ARHGEF10: variants seen among roughly 807,000 people sequenced by gnomAD.
The protein encoded by ARHGEF10 is Rho guanine nucleotide exchange factor 10, also known as Rho guanine nucleotide exchange factor (GEF) 10.
A neutral mutation model predicts 147.4 loss-of-function variants in ARHGEF10; 140 were observed. The observed-to-expected ratio is 0.95, with a 90% CI of 0.83 to 1.09. ARHGEF10 has a LOEUF of 1.09. ARHGEF10 is among the 50% of genes least tolerant of loss of function. The pLI is 0.00. For missense variants in ARHGEF10, 2,222 were observed against 1,752.7 expected (o/e 1.27, Z -4.78); for synonymous variants, 902 against 695.8 (o/e 1.30, Z -4.67).
At chr8:1,856,142 G>T (rs1805533869) in intron 2 of ARHGEF10, among the ~76,000 whole-genome samples, 1 of 152,188 alleles carries the variant, frequency 6.6e-6, no homozygotes. Flanking sequence ...TGAGGCTTTG[G>T]TATCTGGGCA....
chr8:1,955,847 G>A lies in ARHGEF10; in HGVS notation c.3521-902G>A, dbSNP rs561100425. On this transcript the variant is annotated intron_variant, in intron 28 of 28. Transcript: ENST00000349830. Reference sequence around the variant, plus strand: ...AGGGGCAGCATCGCTGGTGTGCAGGGATCACAGGTGTGTGCTTCGCCAGGT... The same window carrying A: ...AGGGGCAGCATCGCTGGTGTGCAGGAATCACAGGTGTGTGCTTCGCCAGGT... Among the ~76,000 whole-genome samples the A allele has an allele frequency of 2.4e-4, 37 of 152,380 alleles. No individual in the cohort carries two copies. The South Asian group carries it at 7.4e-3, about 31-fold the overall frequency.
intron 8 of ARHGEF10, among the ~76,000 whole-genome samples, chr8:1,879,455 G>A (rs1308838993): frequency 1.3e-5 from 2 of 152,092 alleles, no homozygotes; most frequent in Non-Finnish European, 2.9e-5. Flanking sequence ...TATTTTGTGT[G>A]CGTGCATTTG....
intron 26 of ARHGEF10, among the ~76,000 whole-genome samples, chr8:1,941,768 A>T (rs1814111819): frequency 1.3e-5 from 2 of 152,208 alleles, no homozygotes; most frequent in South Asian, 4.1e-4. Flanking sequence ...AGACACATAC[A>T]TCAGTGACAT....
At position 1,932,477 on chromosome 8, in the gene ARHGEF10, A is replaced by G. The variant is rs530264139; in HGVS notation, c.3080-1323A>G. Reference sequence around the variant, plus strand: ...ATGCCTGCATGTGTGTATGTGTGTGACATGTGCACGTGTGTGTGTGCATAT... The same window carrying G: ...ATGCCTGCATGTGTGTATGTGTGTGGCATGTGCACGTGTGTGTGTGCATAT... On this transcript the variant is annotated intron_variant, in intron 25 of 28. Transcript: ENST00000349830. Among the ~76,000 whole-genome samples the G allele has an allele frequency of 3.9e-5, 6 of 152,028 alleles. No homozygotes were observed. The South Asian group carries it at 1.0e-3, about 26-fold the overall frequency.
intron 3 of ARHGEF10, among the ~76,000 whole-genome samples, chr8:1,858,461 T>G (rs1230531410): frequency 6.6e-6 from 1 of 152,250 alleles, no homozygotes; most frequent in Non-Finnish European, 1.5e-5. Context: ...TTCTTCTCTT[T>G]GTACTATTTT....
intron 28 of ARHGEF10, 106 bp downstream of exon 28, chr8:1,952,933 T>C (rs895252846): frequency 1.5e-5 from 22 of 1,488,330 alleles, no homozygotes; most frequent in Non-Finnish European, 1.9e-5. Flanking sequence ...AAACAATTCA[T>C]ATTATCTGTG....
intron 6 of ARHGEF10, among the ~76,000 whole-genome samples, chr8:1,868,110 T>TA (rs1409580140): frequency 6.6e-6 from 1 of 152,244 alleles, no homozygotes; most frequent in Non-Finnish European, 1.5e-5. Context: ...TCTCTGAACA[T>TA]TATCTAAGAG....
intron 2 of ARHGEF10, among the ~76,000 whole-genome samples, chr8:1,848,246 T>A (rs1804708206): frequency 6.6e-6 from 1 of 152,266 alleles, no homozygotes; most frequent in African/African-American, 2.4e-5. Context: ...AGTCCTCAGG[T>A]TAAGTGGCTT....
chr8:1,927,055 C>T (rs1812746675), intron 23 of ARHGEF10: 1 of 174,614 alleles, frequency 5.7e-6, no homozygotes, highest in Non-Finnish European at 1.2e-5. Flanking sequence ...GCGTCCTGTG[C>T]AGCACGCCAC....
chr8:1,922,902 G>A (rs1180786864), intron 18 of ARHGEF10, 62 bp from the exon 19 acceptor site: 3 of 1,164,132 alleles, frequency 2.6e-6, no homozygotes, highest in African/African-American at 3.0e-5. Flanking sequence ...CTTCCCTCAA[G>A]TATTGGAGTA....
intron 18 of ARHGEF10, among the ~76,000 whole-genome samples, chr8:1,920,902 C>T (rs575765985): frequency 1.3e-5 from 2 of 152,092 alleles, no homozygotes; most frequent in Admixed American, 1.3e-4. Context: ...ATTCTCCTGC[C>T]TCAGCCTCCC....
chr8:1,874,215 T>C (rs151224094), intron 7 of ARHGEF10, among the ~76,000 whole-genome samples: 11 of 152,244 alleles, frequency 7.2e-5, no homozygotes, highest in Middle Eastern at 3.4e-3. Context: ...TTGCTGGGGG[T>C]CACAACAGCA....
At chr8:1,888,120 G>GGGGCGA (rs1808874150) in intron 11 of ARHGEF10, among the ~76,000 whole-genome samples, 1 of 87,342 alleles carries the variant, frequency 1.1e-5, no homozygotes, top group African/African-American at 1.0e-4. Flanking sequence ...GACACTTAGT[G>GGGGCGA]GGGTGAGGGT....
At chr8:1,860,883 G>A (rs1019811456) in intron 4 of ARHGEF10, among the ~76,000 whole-genome samples, 5 of 152,192 alleles carry the variant, frequency 3.3e-5, no homozygotes, top group Non-Finnish European at 5.9e-5. Context: ...GAGGATGGAG[G>A]GGTGGTGGGG....
chr8:1,933,396 G>A (rs1468074058), intron 25 of ARHGEF10, among the ~76,000 whole-genome samples: 2 of 152,118 alleles, frequency 1.3e-5, no homozygotes, highest in African/African-American at 4.8e-5. Context: ...TGTGTGCTGG[G>A]TACTGTGCTG....
chr8:1,938,584 G>A (rs947189721), intron 26 of ARHGEF10, among the ~76,000 whole-genome samples: 31 of 151,898 alleles, frequency 2.0e-4, no homozygotes, highest in Non-Finnish European at 1.5e-4. Context: ...GCAGCAATGC[G>A]TTTTTTTTCT....
rs1265442763 is a variant in ARHGEF10 at position 1,909,428 on chromosome 8, C to T, written c.2101C>T (p.His701Tyr). The T allele has an allele frequency of 2.5e-6, 4 of 1,614,132 alleles. No individual in the cohort carries two copies. The South Asian group carries it at 4.4e-5, about 18-fold the overall frequency. The change falls in exon 18 of 29, where the codon CAC becomes TAC. Residue 701 changes from histidine (H) to tyrosine (Y), a missense_variant. His to Tyr is a moderately conservative substitution (Grantham distance 83). Transcript: ENST00000349830. ...TGEHSRHLAV[H>Y]PPESLAVVAN... is the part of the protein sequence containing the mutation. ...CGAGCACAGCAGGCACCTTGCCGTT[C>T]ACCCGCCGGAGAGCCTGGCCGTGGT...
intron 9 of ARHGEF10, 32 bp from the exon 10 acceptor site, chr8:1,882,603 G>T: frequency 6.5e-7 from 1 of 1,534,584 alleles, no homozygotes; most frequent in Non-Finnish European, 8.8e-7. Context: ...TTCTGCCGCC[G>T]TCCCGTTCTC....
At chr8:1,867,990 T>C (rs1056687773) in intron 6 of ARHGEF10, among the ~76,000 whole-genome samples, 2 of 152,254 alleles carry the variant, frequency 1.3e-5, no homozygotes, top group Non-Finnish European at 2.9e-5. Context: ...CTAACAGTTT[T>C]ATTTCCGAGG....
Sources: allele counts gnomAD v4.1 joint callset (sites outside exome capture counted in the v4.1 genomes callset), GRCh38; gene constraint gnomAD v4.1.1; transcripts MANE v1.5; gene names NCBI Gene and HGNC (gene_info 2026-07-23, HGNC 2026-07-21).